The following TANGO6 variants were observed in gnomAD, a reference collection of about 807,000 sequenced individuals.
TANGO6 encodes the protein transport and Golgi organization protein 6 homolog.
In TANGO6, 90 loss-of-function variants were observed where a neutral mutation model predicts 114.2. The ratio of observed to expected loss-of-function variants is 0.79; its 90% confidence interval spans 0.66 to 0.94. The LOEUF (loss-of-function observed/expected upper bound fraction) is 0.94, where lower values mean the gene tolerates loss of function less well. Ranked by LOEUF, TANGO6 falls within the 40% of genes least tolerant of loss-of-function variation. The pLI, the probability that TANGO6 is intolerant of heterozygous loss-of-function variation, is 0.00. For missense variants in TANGO6, 1,274 were observed against 1,315.3 expected (o/e 0.97, Z 0.49); for synonymous variants, 477 against 509.8 (o/e 0.94, Z 0.87).
intron 14 of TANGO6, chr16:68,972,997 G>C: frequency 2.6e-6 from 1 of 383,392 alleles, no homozygotes; most frequent in East Asian, 8.0e-5. Flanking sequence ...TAAAAGATGA[G>C]ATCAGAGAGA....
At chr16:68,879,552 G>T (rs1023402024) in intron 6 of TANGO6, among the ~76,000 whole-genome samples, 1 of 151,500 alleles carries the variant, frequency 6.6e-6, no homozygotes, top group African/African-American at 2.4e-5. Flanking sequence ...ACATATTATA[G>T]AGATTATATA....
At chr16:68,871,752 T>G (rs1299202350) in intron 4 of TANGO6, among the ~76,000 whole-genome samples, 1 of 152,188 alleles carries the variant, frequency 6.6e-6, no homozygotes, top group Non-Finnish European at 1.5e-5. Flanking sequence ...TCTGAGCAGC[T>G]GGGATTACAG....
At chr16:68,868,799 A>G (rs1962221100) in intron 4 of TANGO6, among the ~76,000 whole-genome samples, 1 of 151,982 alleles carries the variant, frequency 6.6e-6, no homozygotes, top group Non-Finnish European at 1.5e-5. Context: ...ATTTACTTCT[A>G]TATTTCTAAC....
intron 10 of TANGO6, 43 bp downstream of exon 10, chr16:68,907,618 A>G (rs1351302399): frequency 6.4e-7 from 1 of 1,553,424 alleles, no homozygotes; most frequent in Non-Finnish European, 8.7e-7. Context: ...GTTCCAGGGG[A>G]GTTCCAGGAA....
At chr16:69,082,489 G>A (rs1352542001) in intron 17 of TANGO6, among the ~76,000 whole-genome samples, 1 of 150,920 alleles carries the variant, frequency 6.6e-6, no homozygotes, top group Non-Finnish European at 1.5e-5. Context: ...GCTCATGCCT[G>A]TAATAGCAAT....
intron 7 of TANGO6, among the ~76,000 whole-genome samples, chr16:68,884,099 A>T (rs1962504379): frequency 6.6e-6 from 1 of 152,040 alleles, no homozygotes; most frequent in Non-Finnish European, 1.5e-5. Flanking sequence ...TTGTAGAGAC[A>T]GGGTTTCACC....
At chr16:69,013,617 C>CAAA (rs772122523) in intron 15 of TANGO6, among the ~76,000 whole-genome samples, 7 of 70,244 alleles carry the variant, frequency 1.0e-4, no homozygotes, top group Non-Finnish European at 2.0e-4. Context: ...ACCCTGTCTC[C>CAAA]AAAAAAAAAA....
intron 15 of TANGO6, among the ~76,000 whole-genome samples, chr16:68,976,292 G>A (rs1457073434): frequency 6.6e-6 from 1 of 152,144 alleles, no homozygotes; most frequent in Non-Finnish European, 1.5e-5. Flanking sequence ...TAAATAAGGT[G>A]ATTCTTACAG....
intron 14 of TANGO6, 114 bp downstream of exon 14, chr16:68,930,409 G>A (rs770526651): frequency 4.0e-5 from 33 of 824,980 alleles, no homozygotes; most frequent in East Asian, 8.0e-5. Flanking sequence ...CATTTTGTCC[G>A]TCTTCCTGCC....
At position 68,875,235 on chromosome 16, in the gene TANGO6, C is replaced by T. The variant is rs1962335982; in HGVS notation, c.1076C>T (p.Ser359Phe). 1 of 1,613,664 alleles carries T rather than the reference C, an allele frequency of 6.2e-7. No homozygotes were observed. Among genetic ancestry groups the T allele is most frequent in the Non-Finnish European group, 8.5e-7 (1 of 1,179,804 alleles). The change falls in exon 5 of 18, where the codon TCT becomes TTT. Residue 359 changes from serine (S) to phenylalanine (F), a missense_variant. This residue lies in a region of TANGO6 where 908 missense variants were observed against 910.2 expected (regional missense o/e 1.00). Coordinates refer to ENST00000261778, the MANE Select transcript of TANGO6 (RefSeq NM_024562.2). Reference protein sequence around the residue: ...KCDLIAKILASCPQQSLSPEN... With the variant: ...KCDLIAKILAFCPQQSLSPEN... ...GACCTGATCGCAAAGATTTTGGCCT[C>T]TTGTCCCCAGCAGTCTCTTTCACCA... is the stretch of plus-strand genomic sequence containing the variant.
chr16:69,048,258 ATTTTTT>A (rs71383949), intron 17 of TANGO6, among the ~76,000 whole-genome samples: 5 of 111,664 alleles, frequency 4.5e-5, no homozygotes, highest in African/African-American at 7.8e-5. Flanking sequence ...AATTTTTTGT[ATTTTTT>A]TTTTTTTTTT....
chr16:69,080,191 T>A (rs1312585651), intron 17 of TANGO6, among the ~76,000 whole-genome samples: 1 of 152,200 alleles, frequency 6.6e-6, no homozygotes, highest in East Asian at 1.9e-4. Context: ...TATTTCCATA[T>A]GTGCCAATTA....
intron 15 of TANGO6, among the ~76,000 whole-genome samples, chr16:68,998,480 C>T (rs1964012365): frequency 6.6e-6 from 1 of 152,120 alleles, no homozygotes; most frequent in Admixed American, 6.5e-5. Flanking sequence ...GCCTGTAATC[C>T]CAGCGCTTTG....
intron 14 of TANGO6, among the ~76,000 whole-genome samples, chr16:68,946,899 AGTT>A (rs1963419612): frequency 6.6e-6 from 1 of 152,120 alleles, no homozygotes; most frequent in Non-Finnish European, 1.5e-5. Context: ...TACTTCCAAT[AGTT>A]GTACAGATTT....
At chr16:68,875,796 C>T (rs1027866092) in intron 5 of TANGO6, among the ~76,000 whole-genome samples, 16 of 151,730 alleles carry the variant, frequency 1.1e-4, no homozygotes, top group Non-Finnish European at 1.9e-4. Context: ...AATGCCTCAC[C>T]ACTACTAAAT....
chr16:69,025,538 AG>A (rs1182191416), intron 16 of TANGO6, among the ~76,000 whole-genome samples: 4 of 152,340 alleles, frequency 2.6e-5, no homozygotes, highest in African/African-American at 9.6e-5. Context: ...AGGAAATGGT[AG>A]GCATATGTAA....
intron 15 of TANGO6, among the ~76,000 whole-genome samples, chr16:68,978,191 C>T (rs1963784005): frequency 6.6e-6 from 1 of 152,108 alleles, no homozygotes. Flanking sequence ...ATCAACGTAA[C>T]ATGTATTTTC....
chr16:68,922,073 T>G (rs1358242935), intron 12 of TANGO6, among the ~76,000 whole-genome samples: 3 of 152,160 alleles, frequency 2.0e-5, no homozygotes, highest in Non-Finnish European at 2.9e-5. Flanking sequence ...TATTTCTTAC[T>G]AGGATTCGTT....
rs1198050231 is a variant in TANGO6, at chr16:68,943,363, A to AT, written c.2701+13086dup. On this transcript the variant is annotated intron_variant, in intron 14 of 17. Transcript: ENST00000261778. The stretch of plus-strand genomic sequence containing the variant: ...AGCTCACTGCAACCTGAATCTGAGA[A>AT]TTTTTTTTTTTTTTTTTTGAGACAG... Among the ~76,000 whole-genome samples, 836 of 131,564 alleles carry AT rather than the reference A, an allele frequency of 6.4e-3. 6 individuals are homozygous for AT. The highest frequency in any genetic ancestry group is 8.9e-3 in the Middle Eastern group (2 of 224). The allele number at this position is 131,564 out of a possible 152,430, so 86.3% of individuals were successfully genotyped here.
Sources: allele counts gnomAD v4.1 joint callset (sites outside exome capture counted in the v4.1 genomes callset), GRCh38; gene constraint gnomAD v4.1.1; regional missense constraint gnomAD v4.1.1; transcripts MANE v1.5; gene names NCBI Gene and HGNC (gene_info 2026-07-23, HGNC 2026-07-21).